Variants in CLVS2 observed in about 807,000 individuals in gnomAD.
CLVS2 encodes the protein clavesin 2, also known as clavesin-2.
A neutral mutation model predicts 29.0 loss-of-function variants in CLVS2; 19 were observed. That is an observed-to-expected ratio of 0.66 (90% confidence interval 0.46 to 0.96). The LOEUF is 0.96. Among genes scored for constraint, CLVS2 ranks in the 40% least tolerant of loss-of-function variants. The probability of loss-of-function intolerance (pLI) is 0.00; values close to 1 mark genes in which losing one functional copy is unlikely to be tolerated. For missense variants in CLVS2, 294 were observed against 404.1 expected, an observed-to-expected ratio of 0.73 and a Z score of 2.34; for synonymous variants, 161 against 151.3, an observed-to-expected ratio of 1.06 and a Z score of -0.47.
intron 4 of CLVS2, among the ~76,000 whole-genome samples, chr6:123,054,537 T>C (rs549417356): frequency 4.6e-5 from 7 of 152,352 alleles, no homozygotes; most frequent in Non-Finnish European, 8.8e-5. Context: ...TTTTATTTGA[T>C]ATTGTAGAGT....
chr6:123,011,614 C>T (rs1245510357), intron 3 of CLVS2, among the ~76,000 whole-genome samples: 1 of 151,924 alleles, frequency 6.6e-6, no homozygotes, highest in African/African-American at 2.4e-5. Context: ...ATGCAAAGAT[C>T]ATCTCTCTAA....
At chr6:123,009,606 G>T (rs1299745131) in intron 2 of CLVS2, among the ~76,000 whole-genome samples, 1 of 151,756 alleles carries the variant, frequency 6.6e-6, no homozygotes, top group Non-Finnish European at 1.5e-5. Context: ...GAATGATTTC[G>T]ACTCCTAATC....
In CLVS2 at chr6:123,023,374, T is replaced by C. The variant is rs551066738; in HGVS notation, c.564+12215T>C. ...AGCTTCTCCCTACAGGAGTGCTTGT[T>C]TTTCATTATTCAGCTCTTGTTTTTA... On this transcript the variant is annotated intron_variant, in intron 3 of 5. Coordinates refer to ENST00000275162, the MANE Select transcript of CLVS2 (RefSeq NM_001010852.4). Among the ~76,000 whole-genome samples the C allele has an allele frequency of 3.4e-4, 52 of 152,226 alleles. No individual in the cohort carries two copies. The East Asian group carries it at 0.01, about 30-fold the overall frequency.
intron 2 of CLVS2, among the ~76,000 whole-genome samples, chr6:123,004,360 A>C (rs1286223533): frequency 6.6e-6 from 1 of 152,202 alleles, no homozygotes; most frequent in African/African-American, 2.4e-5. Flanking sequence ...TCACTCACCT[A>C]CATTCCCACA....
chr6:123,047,414 T>A (rs1286695334), intron 3 of CLVS2, among the ~76,000 whole-genome samples: 1 of 152,184 alleles, frequency 6.6e-6, no homozygotes, highest in East Asian at 1.9e-4. Flanking sequence ...TATTTTATTA[T>A]TTGTTGAACT....
Position 123,054,916 on chromosome 6 carries a change from C to T in CLVS2, c.676-890C>T, listed in dbSNP as rs1772671298. 3.3e-5 allele frequency among the ~76,000 whole-genome samples: 5 copies of T among 151,586 alleles called. No individual in the cohort carries two copies. In the South Asian group the frequency reaches 1.0e-3, roughly 32 times the overall value. ...CAATAAACAGAGTCATCTATTATAC[C>T]CATTGCTACTGAGGGTTAAAGATAT... On this transcript the variant is annotated intron_variant, in intron 4 of 5. Transcript: ENST00000275162.
chr6:122,999,938 G>A (rs1370634669), intron 2 of CLVS2, among the ~76,000 whole-genome samples: 5 of 152,076 alleles, frequency 3.3e-5, no homozygotes, highest in African/African-American at 1.2e-4. Context: ...ATGAGAAAGT[G>A]ATAATTCTGA....
intron 3 of CLVS2, among the ~76,000 whole-genome samples, chr6:123,047,117 A>G (rs1013535447): frequency 2.6e-5 from 4 of 152,052 alleles, no homozygotes; most frequent in African/African-American, 4.8e-5. Context: ...CTAGGAAAAT[A>G]CCTGCTGGCC....
At chr6:123,035,052 A>G (rs1469318491) in intron 3 of CLVS2, among the ~76,000 whole-genome samples, 1 of 152,182 alleles carries the variant, frequency 6.6e-6, no homozygotes, top group Admixed American at 6.6e-5. Context: ...AGTTTATTAT[A>G]TCTTTTGAAG....
At chr6:123,000,197 A>G (rs1420401180) in intron 2 of CLVS2, among the ~76,000 whole-genome samples, 2 of 152,162 alleles carry the variant, frequency 1.3e-5, no homozygotes, top group Admixed American at 6.5e-5. Flanking sequence ...TATGAATTCT[A>G]TTTCTATGGT....
At chr6:123,005,354 C>T (rs1318365860) in intron 2 of CLVS2, among the ~76,000 whole-genome samples, 2 of 151,944 alleles carry the variant, frequency 1.3e-5, no homozygotes, top group Non-Finnish European at 2.9e-5. Context: ...CCTTTTTTCC[C>T]CTCCCCCTAG....
chr6:123,022,312 T>G (rs1033279443), intron 3 of CLVS2, among the ~76,000 whole-genome samples: 1 of 151,994 alleles, frequency 6.6e-6, no homozygotes, highest in Non-Finnish European at 1.5e-5. Flanking sequence ...GTGTTGAAAA[T>G]TCACCATAGT....
chr6:123,063,709 G>T lies in CLVS2; in HGVS notation c.932G>T (p.Arg311Leu). 2 of 1,612,042 alleles carry T rather than the reference G, an allele frequency of 1.2e-6. No individual in the cohort carries two copies. The highest frequency in any genetic ancestry group is 1.7e-4 in the Middle Eastern group (1 of 6,058). ...GTAGTGGATCCTACAGTACTAAAAC[G>T]CATGGATAAAAATGAGGAAGAAAAC... is the stretch of plus-strand genomic sequence containing the variant. ...QSVVDPTVLKRMDKNEEENMQ... is the reference protein window; with the variant it reads ...QSVVDPTVLKLMDKNEEENMQ... The change falls in exon 6 of 6, where the codon CGC becomes CTC. Residue 311 changes from arginine (R) to leucine (L), a missense_variant. By Grantham distance (102) the Arg-to-Leu change is moderately radical. This residue lies in a region of CLVS2 where 82 missense variants were observed against 67.8 expected (regional missense o/e 1.21). Transcript: ENST00000275162.
At chr6:123,009,193 C>A (rs1774714930) in intron 2 of CLVS2, among the ~76,000 whole-genome samples, 1 of 151,918 alleles carries the variant, frequency 6.6e-6, no homozygotes, top group Non-Finnish European at 1.5e-5. Flanking sequence ...CAGTCCTCCC[C>A]CAAACATGGC....
chr6:123,021,429 TA>T (rs988192403), intron 3 of CLVS2, among the ~76,000 whole-genome samples: 13 of 151,504 alleles, frequency 8.6e-5, no homozygotes, highest in South Asian at 2.1e-4. Flanking sequence ...ATGCTTCAGT[TA>T]AAAAAAAATT....
In CLVS2 at chr6:123,036,238, A is replaced by T. The variant is rs575979957; in HGVS notation, c.565-12384A>T. 1.1e-4 allele frequency among the ~76,000 whole-genome samples: 17 copies of T among 152,294 alleles called. No homozygotes were observed. The South Asian group carries it at 3.1e-3, about 28-fold the overall frequency. On this transcript the variant is annotated intron_variant, in intron 3 of 5. Transcript: ENST00000275162. ...TTATTTGTTGGAGGACTTTGTAGCA[A>T]TGTAAAATAAAACTTCTAGAGAATA...
At chr6:123,044,259 T>C (rs1775276245) in intron 3 of CLVS2, among the ~76,000 whole-genome samples, 1 of 152,242 alleles carries the variant, frequency 6.6e-6, no homozygotes, top group East Asian at 1.9e-4. Context: ...ATATTGTATA[T>C]TGTGATTTTT....
chr6:123,047,183 T>A (rs1235095594), intron 3 of CLVS2, among the ~76,000 whole-genome samples: 1 of 151,990 alleles, frequency 6.6e-6, no homozygotes, highest in African/African-American at 2.4e-5. Context: ...AAATAATAAT[T>A]ATTAATAATA....
rs1289158433 is a variant in CLVS2, at chr6:122,997,586, C to T, written c.-192C>T. 1 of 622,034 alleles carries T rather than the reference C, an allele frequency of 1.6e-6. No homozygotes were observed. Among genetic ancestry groups the T allele is most frequent in the Non-Finnish European group, 2.8e-6 (1 of 351,222 alleles). 38.5% of individuals were successfully genotyped at this position (622,034 alleles called of 1,614,324 possible). A position where few individuals can be genotyped will look rare whatever the true frequency, so the allele number is the denominator to read the frequency against. ...GGAAGAAGTTTACACCCCCCGGCCC[C>T]CCCAGCTTTGCTGGGGGAAAGCAGG... is the stretch of plus-strand genomic sequence containing the variant. On this transcript the variant is annotated 5_prime_UTR_variant, in exon 2 of 6. Transcript: ENST00000275162.
Sources: allele counts gnomAD v4.1 joint callset (sites outside exome capture counted in the v4.1 genomes callset), GRCh38; gene constraint gnomAD v4.1.1; regional missense constraint gnomAD v4.1.1; transcripts MANE v1.5; gene names NCBI Gene and HGNC (gene_info 2026-07-23, HGNC 2026-07-21).